Variants in CFLAR observed in about 807,000 individuals in gnomAD.
CFLAR encodes CASP8 and FADD-like apoptosis regulator.
Under a neutral mutation model 51.1 loss-of-function variants are expected in CFLAR, and 14 were observed. That is an observed-to-expected ratio of 0.27 (90% confidence interval 0.18 to 0.43). The LOEUF (loss-of-function observed/expected upper bound fraction) is 0.43. Among genes scored for constraint, CFLAR ranks in the 20% least tolerant of loss-of-function variants. The pLI is 1.00. For missense variants in CFLAR, 390 were observed against 566.5 expected (o/e 0.69, Z 3.16); for synonymous variants, 210 against 211.6 (o/e 0.99, Z 0.06).
At chr2:201,155,154 C>T (rs1240509701) in intron 8 of CFLAR, among the ~76,000 whole-genome samples, 5 of 152,216 alleles carry the variant, frequency 3.3e-5, no homozygotes, top group Non-Finnish European at 7.3e-5. Flanking sequence ...AATATAGAAG[C>T]AAGCGTCTCA....
At chr2:201,139,248 A>C (rs1248905223) in intron 4 of CFLAR, 5 of 332,662 alleles carry the variant, frequency 1.5e-5, no homozygotes, top group East Asian at 8.2e-5. Context: ...GCTCGTTAAG[A>C]GTCATCACCA....
chr2:201,122,855 C>T (rs1033037047), intron 1 of CFLAR: 6 of 152,098 alleles, frequency 3.9e-5, no homozygotes, highest in Middle Eastern at 3.2e-3. Context: ...ATTTTTGGTT[C>T]GGAGTTAGAT....
At position 201,174,717 on chromosome 2, in the gene CFLAR, T is replaced by G. The variant is rs1224794068; in HGVS notation, c.*10744T>G. On this transcript the variant is annotated 3_prime_UTR_variant, in exon 10 of 10. Coordinates refer to ENST00000309955, the MANE Select transcript of CFLAR (RefSeq NM_003879.7). ...TGTTAGGGCTGTATTGGGTTTACCT[T>G]TCCCTAAATTTTCATATAACTGTTA... 6.6e-6 allele frequency: 1 copy of G among 152,198 alleles called. No individual in the cohort carries two copies. The highest frequency in any genetic ancestry group is 2.4e-5 in the African/African-American group (1 of 41,456). 9.4% of individuals were successfully genotyped at this position (152,198 alleles called of 1,614,324 possible).
chr2:201,126,613 CT>C (rs1438911433), intron 1 of CFLAR, among the ~76,000 whole-genome samples: 1 of 152,168 alleles, frequency 6.6e-6, no homozygotes, highest in East Asian at 1.9e-4. Flanking sequence ...TGGGTCTCCA[CT>C]GTCAGAGGGT....
chr2:201,124,194 T>C lies in CFLAR; in HGVS notation c.-137-5535T>C, dbSNP rs985122841. Among the ~76,000 whole-genome samples, 1 of 152,200 alleles carries C rather than the reference T, an allele frequency of 6.6e-6. No homozygotes were observed. Among genetic ancestry groups the C allele is most frequent in the Non-Finnish European group, 1.5e-5 (1 of 68,030 alleles). On this transcript the variant is annotated intron_variant, in intron 1 of 9. Coordinates refer to ENST00000309955, the MANE Select transcript of CFLAR (RefSeq NM_003879.7). The surrounding 1 kb of genome is among the most constrained non-coding windows in gnomAD (Gnocchi z 4.7). Reference sequence around the variant, plus strand: ...AACAATATGTGCCTTTGTTACCAGATAGTTTGGGGGCAGCGTTGGTGTTCT... The same window carrying C: ...AACAATATGTGCCTTTGTTACCAGACAGTTTGGGGGCAGCGTTGGTGTTCT...
At position 201,170,116 on chromosome 2, in the gene CFLAR, A is replaced by C. The variant is rs1473540100; in HGVS notation, c.*6143A>C. 6.6e-6 allele frequency: 1 copy of C among 152,272 alleles called. No homozygotes were observed. The highest frequency in any genetic ancestry group is 1.5e-5 in the Non-Finnish European group (1 of 68,044). The allele number at this position is 152,272 out of a possible 1,614,324, so 9.4% of individuals were successfully genotyped here. ...ATCCCATTACTGGGTATATACCCAA[A>C]GGAATATAAACCATTTTATTATAAA... is the stretch of plus-strand genomic sequence containing the variant. On this transcript the variant is annotated 3_prime_UTR_variant, in exon 10 of 10. Coordinates refer to ENST00000309955, the MANE Select transcript of CFLAR (RefSeq NM_003879.7).
chr2:201,159,869 C>T (rs1404670288), intron 8 of CFLAR, among the ~76,000 whole-genome samples: 1 of 152,160 alleles, frequency 6.6e-6, no homozygotes, highest in African/African-American at 2.4e-5. Flanking sequence ...GGCCCAGAGT[C>T]TAGTGAAGTT....
chr2:201,120,028 T>A (rs1037869446), intron 1 of CFLAR, among the ~76,000 whole-genome samples: 3 of 147,310 alleles, frequency 2.0e-5, no homozygotes, highest in Non-Finnish European at 3.0e-5. Flanking sequence ...CTTTTCTTTT[T>A]TTTTTTTTTT....
chr2:201,132,187 G>C (rs2049403470), intron 2 of CFLAR, among the ~76,000 whole-genome samples: 1 of 152,030 alleles, frequency 6.6e-6, no homozygotes, highest in South Asian at 2.1e-4. Flanking sequence ...GGGGGCAGTT[G>C]AAGAGGAGTG....
intron 4 of CFLAR, chr2:201,137,686 AG>A: frequency 1.3e-6 from 1 of 761,064 alleles, no homozygotes. Flanking sequence ...ACTATGAGGT[AG>A]GGCACGAACT....
In CFLAR at chr2:201,155,141, A is replaced by G. The variant is rs907794459; in HGVS notation, c.794-5291A>G. 2.0e-5 allele frequency among the ~76,000 whole-genome samples: 3 copies of G among 152,184 alleles called. No individual in the cohort carries two copies. The East Asian group carries it at 5.8e-4, about 29-fold the overall frequency. ...TTAAGCACTGGACTTTTATCTTGTTAGGAATATAGAAGCAAGCGTCTCACA... is the reference window on the plus strand; with the variant it reads ...TTAAGCACTGGACTTTTATCTTGTTGGGAATATAGAAGCAAGCGTCTCACA... On this transcript the variant is annotated intron_variant, in intron 8 of 9. Coordinates refer to ENST00000309955, the MANE Select transcript of CFLAR (RefSeq NM_003879.7).
intron 1 of CFLAR, among the ~76,000 whole-genome samples, chr2:201,125,313 G>C (rs2048574462): frequency 6.6e-6 from 1 of 152,084 alleles, no homozygotes; most frequent in Non-Finnish European, 1.5e-5. Flanking sequence ...ACTGAGTACA[G>C]ACTATTCCTT....
intron 4 of CFLAR, chr2:201,139,219 A>T (rs1045840875): frequency 5.6e-6 from 2 of 356,942 alleles, no homozygotes; most frequent in Non-Finnish European, 1.1e-5. Context: ...TTTGTTAAAC[A>T]GATGCTTGAA....
chr2:201,155,104 G>A (rs934048845), intron 8 of CFLAR, among the ~76,000 whole-genome samples: 2 of 152,174 alleles, frequency 1.3e-5, no homozygotes, highest in Non-Finnish European at 2.9e-5. Context: ...GCTAGGCCCT[G>A]GTGGGTCATC....
intron 8 of CFLAR, chr2:201,154,162 G>A (rs1282427564): frequency 7.3e-6 from 2 of 272,866 alleles, no homozygotes; most frequent in Admixed American, 4.8e-5. Context: ...CGCAATCTCA[G>A]CTCACCGCAA....
chr2:201,131,989 G>A (rs2049379671), intron 2 of CFLAR, among the ~76,000 whole-genome samples: 1 of 152,096 alleles, frequency 6.6e-6, no homozygotes, highest in Non-Finnish European at 1.5e-5. Flanking sequence ...AGATAGAAGG[G>A]ATTATTATCA....
At chr2:201,150,083 C>T (rs1173634585) in intron 8 of CFLAR, 1 of 247,156 alleles carries the variant, frequency 4.0e-6, no homozygotes, top group East Asian at 8.0e-5. Flanking sequence ...CACCTGTAAT[C>T]CCAGCACTTT....
At chr2:201,151,562 T>TCTC (rs59770622) in intron 8 of CFLAR, among the ~76,000 whole-genome samples, 38,061 of 151,916 alleles carry the variant, frequency 0.25, 5,601 homozygotes, top group African/African-American at 0.41. Context: ...ATAAGTGTCT[T>TCTC]CTTTTCAGCC....
rs374815211 is a variant in CFLAR, at chr2:201,130,130, C to A, written c.265C>A (p.Leu89Ile). The A allele has an allele frequency of 3.1e-6, 4 of 1,280,354 alleles. No homozygotes were observed. The African/African-American group carries it at 5.4e-5, about 17-fold the overall frequency. 79.3% of individuals were successfully genotyped at this position (1,280,354 alleles called of 1,614,324 possible). Residue 89 changes from leucine (L) to isoleucine (I), a missense_variant, in exon 2 of 10, where the codon CTT becomes ATT. Coordinates refer to ENST00000309955, the MANE Select transcript of CFLAR (RefSeq NM_003879.7). ...VETHLLRNPH[L>I]VSDYRVLMAE... is the part of the protein sequence containing the mutation. The stretch of plus-strand genomic sequence containing the variant: ...GACCCACCTGCTCAGGAACCCTCAC[C>A]TTGTTTCGGACTATAGGTAATTCAT...
Sources: gnomAD v4.1 joint callset for allele counts (sites outside exome capture counted in the v4.1 genomes callset) on GRCh38, gnomAD v4.1.1 for gene constraint, Gnocchi (gnomAD v3.1) non-coding constraint, MANE v1.5 for transcripts, NCBI Gene and HGNC (gene_info 2026-07-23, HGNC 2026-07-21) for gene names.